The following TRIM3 variants were observed in gnomAD, a reference collection of about 807,000 sequenced individuals.
TRIM3 encodes tripartite motif-containing protein 3.
In TRIM3, 13 loss-of-function variants were observed where a neutral mutation model predicts 66.6. That is an observed-to-expected ratio of 0.20 (90% confidence interval 0.13 to 0.31). The LOEUF is 0.31. TRIM3 is among the 10% of genes least tolerant of loss of function. The pLI is 1.00. For synonymous variants in TRIM3, 406 were observed against 411.7 expected (o/e 0.99, Z 0.17); for missense variants, 711 against 1,020.4 (o/e 0.70, Z 4.13).
rs1365931011 is a variant in TRIM3, at chr11:6,449,455, G to A, written c.1942-9C>T. The A allele has an allele frequency of 1.2e-6, 2 of 1,612,030 alleles. No individual in the cohort carries two copies. The highest frequency in any genetic ancestry group is 1.3e-5 in the African/African-American group (1 of 75,010). ...CCATCGGCACTGTACACCTGGCGGG[G>A]GAAGGGGCTAGGGACTGGGGACCTG... On this transcript the variant is annotated splice_polypyrimidine_tract_variant and intron_variant, in intron 10 of 11. Coordinates refer to ENST00000345851, the MANE Select transcript of TRIM3 (RefSeq NM_033278.4). This position sits in a 1 kb window ranked among gnomAD's most constrained non-coding sequence, Gnocchi z 5.3.
chr11:6,448,822 T>C lies in TRIM3; in HGVS notation c.*206A>G. Reference sequence around the variant, plus strand: ...TCTGCACACATCCTTGGGACCACAGTCCAGGCTCACCCAGTCACCAAAGCA... The same window carrying C: ...TCTGCACACATCCTTGGGACCACAGCCCAGGCTCACCCAGTCACCAAAGCA... On this transcript the variant is annotated 3_prime_UTR_variant, in exon 12 of 12. Coordinates refer to ENST00000345851, the MANE Select transcript of TRIM3 (RefSeq NM_033278.4). 1 of 642,702 alleles carries C rather than the reference T, an allele frequency of 1.6e-6. No individual in the cohort carries two copies. The highest frequency in any genetic ancestry group is 2.7e-6 in the Non-Finnish European group (1 of 365,380). 39.8% of individuals were successfully genotyped at this position (642,702 alleles called of 1,614,324 possible). A position where few individuals can be genotyped will look rare whatever the true frequency, so the allele number is the denominator to read the frequency against.
At chr11:6,462,977 C>T (rs920794857) in intron 2 of TRIM3, among the ~76,000 whole-genome samples, 12 of 152,074 alleles carry the variant, frequency 7.9e-5, no homozygotes, top group Non-Finnish European at 1.3e-4. Flanking sequence ...GAGGCTGAGG[C>T]GGGCAGATCA....
intron 1 of TRIM3, among the ~76,000 whole-genome samples, chr11:6,466,903 G>A (rs1381150355): frequency 1.3e-5 from 2 of 152,144 alleles, no homozygotes; most frequent in Non-Finnish European, 2.9e-5. Flanking sequence ...TCCATGCAGT[G>A]TTATTGAGGA....
At position 6,457,774 on chromosome 11, in the gene TRIM3, T is replaced by A. The variant is rs989360950; in HGVS notation, c.437A>T (p.His146Leu). 6.2e-7 allele frequency: 1 copy of A among 1,614,182 alleles called. No homozygotes were observed. The highest frequency in any genetic ancestry group is 8.5e-7 in the Non-Finnish European group (1 of 1,180,022). Residue 146 changes from histidine (H) to leucine (L), a missense_variant, in exon 4 of 12, where the codon CAT becomes CTT. This residue lies in a region of TRIM3 where 149 missense variants were observed against 240.3 expected (regional missense o/e 0.62). Transcript: ENST00000345851. The surrounding 1 kb of genome is among the most constrained non-coding windows in gnomAD (Gnocchi z 4.5). Reference protein sequence around the residue: ...GECRAGEHREHGTVLLRDVVE... With the variant: ...GECRAGEHRELGTVLLRDVVE... ...CACATCCCTCAGCAGCACTGTGCCATGCTCACGATGCTCCCCGGCGCGGCA... is the reference window on the plus strand; with the variant it reads ...CACATCCCTCAGCAGCACTGTGCCAAGCTCACGATGCTCCCCGGCGCGGCA...
intron 1 of TRIM3, among the ~76,000 whole-genome samples, chr11:6,471,923 T>C (rs60616451): frequency 0.19 from 28,455 of 152,050 alleles, 2,887 homozygotes; most frequent in African/African-American, 0.25. Flanking sequence ...GCAGAGGTTA[T>C]ACATGATGCT....
chr11:6,462,235 T>C lies in TRIM3; in HGVS notation c.131+3330A>G, dbSNP rs111269723. ...AAAACATTAATACAAGCTGCAGCTCTCGTTTTCTTGATTGCTTACTGTCAG... is the reference window on the plus strand; with the variant it reads ...AAAACATTAATACAAGCTGCAGCTCCCGTTTTCTTGATTGCTTACTGTCAG... On this transcript the variant is annotated intron_variant, in intron 2 of 11. Coordinates refer to ENST00000345851, the MANE Select transcript of TRIM3 (RefSeq NM_033278.4). Among the ~76,000 whole-genome samples the C allele has an allele frequency of 4.8e-3, 564 of 116,934 alleles. 4 individuals carry two copies. Among genetic ancestry groups the C allele is most frequent in the African/African-American group, 0.017 (519 of 30,976 alleles). The allele number at this position is 116,934 out of a possible 152,430, so 76.7% of individuals were successfully genotyped here.
intron 8 of TRIM3, 79 bp downstream of exon 8, chr11:6,451,192 G>C: frequency 1.9e-6 from 3 of 1,593,546 alleles, no homozygotes; most frequent in Non-Finnish European, 2.6e-6. Context: ...GATCAGTCCA[G>C]ACCCTGACCA....
intron 1 of TRIM3, among the ~76,000 whole-genome samples, chr11:6,470,835 T>C (rs1052353304): frequency 2.0e-5 from 3 of 152,136 alleles, no homozygotes; most frequent in Non-Finnish European, 4.4e-5. Context: ...AAGCAGAGTC[T>C]GCAAAGAAGA....
chr11:6,457,482 G>A lies in TRIM3; in HGVS notation c.516-6C>T. 6.2e-7 allele frequency: 1 copy of A among 1,611,654 alleles called. No individual in the cohort carries two copies. Among genetic ancestry groups the A allele is most frequent in the Non-Finnish European group, 8.5e-7 (1 of 1,179,584 alleles). ...CTGCGGACAGCTGTGGCAATCTGGA[G>A]GGGGAATATCTCATTCCAGAGTTGC... is the stretch of plus-strand genomic sequence containing the variant. On this transcript the variant is annotated splice_polypyrimidine_tract_variant and splice_region_variant and intron_variant, in intron 4 of 11. Coordinates refer to ENST00000345851, the MANE Select transcript of TRIM3 (RefSeq NM_033278.4). The surrounding 1 kb of genome is among the most constrained non-coding windows in gnomAD (Gnocchi z 4.5).
At position 6,450,807 on chromosome 11, in the gene TRIM3, G is replaced by C; in HGVS notation, c.1870+85C>G. On this transcript the variant is annotated intron_variant, in intron 9 of 11. Transcript: ENST00000345851. The surrounding 1 kb of genome is among the most constrained non-coding windows in gnomAD (Gnocchi z 4.8). The stretch of plus-strand genomic sequence containing the variant: ...GGATCTCCAGAGCCAAGATATAGGA[G>C]GAGAGGGCCTTTACAGCTGGGGTAT... 1.9e-6 allele frequency: 3 copies of C among 1,556,568 alleles called. No homozygotes were observed. The highest frequency in any genetic ancestry group is 2.6e-6 in the Non-Finnish European group (3 of 1,137,518).
rs1849994436 is a variant in TRIM3, at chr11:6,456,584, T to C, written c.1142A>G (p.His381Arg). The change falls in exon 6 of 12, where the codon CAC becomes CGC. Residue 381 changes from histidine to arginine, a missense_variant. By Grantham distance (29) the His-to-Arg change is conservative. This residue lies in a region of TRIM3 where 399 missense variants were observed against 458.1 expected (regional missense o/e 0.87). Transcript: ENST00000345851. This position sits in a 1 kb window ranked among gnomAD's most constrained non-coding sequence, Gnocchi z 6.4. The stretch of plus-strand genomic sequence containing the variant: ...CACTAGCTCATATGTGCCATTCTTG[T>C]GGTCCACCACTGGCACCGGAAGGCG... The part of the protein sequence containing the change: ...GTRLPVPVVD[H>R]KNGTYELVYT... 6.2e-7 allele frequency: 1 copy of C among 1,612,850 alleles called. No homozygotes were observed. Among genetic ancestry groups the C allele is most frequent in the Non-Finnish European group, 8.5e-7 (1 of 1,179,854 alleles).
rs1850051057 is a variant in TRIM3, at chr11:6,457,553, T to C, written c.516-77A>G. 4 of 1,570,042 alleles carry C rather than the reference T, an allele frequency of 2.5e-6. No individual in the cohort carries two copies. The South Asian group carries it at 4.7e-5, about 18-fold the overall frequency. On this transcript the variant is annotated intron_variant, in intron 4 of 11. Transcript: ENST00000345851. The surrounding 1 kb of genome is among the most constrained non-coding windows in gnomAD (Gnocchi z 4.5). ...TTTCCCTTCTCCCTGGGGAACCTAC[T>C]GCTGCCCTCATGGAGATCTCCTTCC...
chr11:6,456,256 C>T lies in TRIM3; in HGVS notation c.1429+41G>A. 1 of 1,592,454 alleles carries T rather than the reference C, an allele frequency of 6.3e-7. No individual in the cohort carries two copies. The highest frequency in any genetic ancestry group is 8.6e-7 in the Non-Finnish European group (1 of 1,166,554). ...CCTCCCTTCCCTCCCCACCCACTAC[C>T]TGAGCCTGGCCCATCTGGCTCTGCC... On this transcript the variant is annotated intron_variant, in intron 6 of 11. Coordinates refer to ENST00000345851, the MANE Select transcript of TRIM3 (RefSeq NM_033278.4). The surrounding 1 kb of genome is among the most constrained non-coding windows in gnomAD (Gnocchi z 6.4).
At chr11:6,463,648 G>A (rs894877757) in intron 2 of TRIM3, among the ~76,000 whole-genome samples, 4 of 152,354 alleles carry the variant, frequency 2.6e-5, no homozygotes, top group Admixed American at 2.6e-4. Context: ...AAAGGGGCTA[G>A]ATATCTATAT....
rs1850010812 is a variant in TRIM3 at position 6,456,796 on chromosome 11, G to A, written c.930C>T (p.Leu310=). The A allele has an allele frequency of 1.9e-6, 3 of 1,612,504 alleles. No individual in the cohort carries two copies. The highest frequency in any genetic ancestry group is 2.5e-6 in the Non-Finnish European group (3 of 1,179,960). The change falls in exon 6 of 12, where the codon CTC becomes CTT. Residue 310 remains leucine (L), a synonymous_variant. Coordinates refer to ENST00000345851, the MANE Select transcript of TRIM3 (RefSeq NM_033278.4). This position sits in a 1 kb window ranked among gnomAD's most constrained non-coding sequence, Gnocchi z 6.4. ...LEVDGLRRSV[L]NLGALLTTSA... is the part of the protein sequence containing the mutation. ...TCGTGGTGAGCAGTGCGCCCAGATT[G>A]AGCACCGATCGCCGCAGACCGTCCA...
At chr11:6,459,121 A>T (rs1850113224) in intron 2 of TRIM3, among the ~76,000 whole-genome samples, 1 of 152,204 alleles carries the variant, frequency 6.6e-6, no homozygotes, top group Non-Finnish European at 1.5e-5. Context: ...TGCAAACTAA[A>T]TCTTCAAGGA....
At position 6,472,150 on chromosome 11, in the gene TRIM3, G is replaced by A. The variant is rs551551650; in HGVS notation, c.-38+1641C>T. On this transcript the variant is annotated intron_variant, in intron 1 of 11. Coordinates refer to ENST00000345851, the MANE Select transcript of TRIM3 (RefSeq NM_033278.4). Reference sequence around the variant, plus strand: ...TAGGTTTAAAAAGTTAGGAGATCTAGGATCTAGTCCTAATGCTGTAACTAA... The same window carrying A: ...TAGGTTTAAAAAGTTAGGAGATCTAAGATCTAGTCCTAATGCTGTAACTAA... 2.6e-5 allele frequency among the ~76,000 whole-genome samples: 4 copies of A among 152,232 alleles called. No individual in the cohort carries two copies. In the South Asian group the frequency reaches 8.3e-4, roughly 32 times the overall value.
In TRIM3 at chr11:6,473,400, G is replaced by A. The variant is rs1589844336; in HGVS notation, c.-38+391C>T. On this transcript the variant is annotated intron_variant, in intron 1 of 11. Transcript: ENST00000345851. The stretch of plus-strand genomic sequence containing the variant: ...TAGGGTGGGGGTGGGGGAGCAAGGG[G>A]TGGAGGTGTCTGCACCAGGGAGAAA... Among the ~76,000 whole-genome samples, 3 of 151,002 alleles carry A rather than the reference G, an allele frequency of 2.0e-5. No individual in the cohort carries two copies. In the East Asian group the frequency reaches 5.9e-4, roughly 30 times the overall value.
chr11:6,466,683 C>A (rs960059546), intron 1 of TRIM3, among the ~76,000 whole-genome samples: 3 of 150,804 alleles, frequency 2.0e-5, no homozygotes, highest in Non-Finnish European at 4.4e-5. Flanking sequence ...TCCTGGGATC[C>A]TTTTCCTGGC....
Sources: gnomAD v4.1 joint callset for allele counts (sites outside exome capture counted in the v4.1 genomes callset) on GRCh38, gnomAD v4.1.1 for gene constraint, gnomAD v4.1.1 regional missense constraint, Gnocchi (gnomAD v3.1) non-coding constraint, MANE v1.5 for transcripts, NCBI Gene and HGNC (gene_info 2026-07-23, HGNC 2026-07-21) for gene names.